Variants in RGS7 observed in about 807,000 individuals in gnomAD.
RGS7 encodes regulator of G-protein signaling 7.
RGS7 carries 27 observed loss-of-function variants against 81.1 expected under a neutral mutation model. That is an observed-to-expected ratio of 0.33 (90% confidence interval 0.25 to 0.46). The LOEUF (loss-of-function observed/expected upper bound fraction) is 0.46, where lower values mean the gene tolerates loss of function less well. RGS7 is among the 20% of genes least tolerant of loss of function. The probability of loss-of-function intolerance (pLI) is 1.00; values close to 1 mark genes in which losing one functional copy is unlikely to be tolerated. For synonymous variants in RGS7, 208 were observed against 207.7 expected (o/e 1.00, Z -0.01); for missense variants, 396 against 607.4 (o/e 0.65, Z 3.66).
At chr1:241,113,274 T>C (rs1280396177) in intron 2 of RGS7, among the ~76,000 whole-genome samples, 1 of 152,230 alleles carries the variant, frequency 6.6e-6, no homozygotes, top group Non-Finnish European at 1.5e-5. Flanking sequence ...CACTTATTAC[T>C]AGATATCTGT....
chr1:240,988,253 C>T (rs1258674323), intron 3 of RGS7, among the ~76,000 whole-genome samples: 1 of 150,260 alleles, frequency 6.7e-6, no homozygotes, highest in Non-Finnish European at 1.5e-5. Context: ...TATGACACCA[C>T]AGTGTATCTC....
intron 2 of RGS7, among the ~76,000 whole-genome samples, chr1:241,236,048 C>T (rs1217013578): frequency 1.3e-5 from 2 of 151,974 alleles, no homozygotes; most frequent in Admixed American, 6.6e-5. Context: ...TTTTTAAAGT[C>T]TGCAGTTTGA....
intron 6 of RGS7, among the ~76,000 whole-genome samples, chr1:240,877,007 C>A (rs1428185427): frequency 6.6e-6 from 1 of 152,022 alleles, no homozygotes; most frequent in African/African-American, 2.4e-5. Flanking sequence ...CTAGGACTTG[C>A]TTTTCTAGGA....
chr1:241,313,193 G>T (rs1188478364), intron 2 of RGS7, among the ~76,000 whole-genome samples: 5 of 152,340 alleles, frequency 3.3e-5, no homozygotes, highest in Non-Finnish European at 1.5e-5. Flanking sequence ...TGAAGAAGCT[G>T]CAGTAAGTTT....
chr1:240,913,788 G>GT (rs540180563), intron 6 of RGS7, among the ~76,000 whole-genome samples: 3,465 of 144,906 alleles, frequency 0.024, 62 homozygotes, highest in African/African-American at 0.048. Context: ...CTGTAATTTT[G>GT]TTTTTTTTTT....
chr1:240,976,964 A>G (rs991066433), intron 4 of RGS7, among the ~76,000 whole-genome samples: 2 of 150,748 alleles, frequency 1.3e-5, no homozygotes, highest in African/African-American at 4.9e-5. Context: ...ATCTTCTATC[A>G]TCTATCATTT....
At chr1:240,933,265 G>A (rs377319297) in intron 5 of RGS7, among the ~76,000 whole-genome samples, 5 of 151,838 alleles carry the variant, frequency 3.3e-5, no homozygotes, top group African/African-American at 4.8e-5. Context: ...ATATGTGTAT[G>A]TATAGGTGTG....
At chr1:241,180,930 T>C (rs2071562679) in intron 2 of RGS7, among the ~76,000 whole-genome samples, 1 of 152,212 alleles carries the variant, frequency 6.6e-6, no homozygotes, top group African/African-American at 2.4e-5. Flanking sequence ...CCAATGCATG[T>C]TAGTAAGTGA....
intron 2 of RGS7, among the ~76,000 whole-genome samples, chr1:241,287,224 T>A (rs2078856586): frequency 6.6e-6 from 1 of 152,198 alleles, no homozygotes; most frequent in Non-Finnish European, 1.5e-5. Flanking sequence ...GTTTATGACA[T>A]TTAAATCCCT....
At chr1:241,134,232 C>CT (rs1342937965) in intron 2 of RGS7, among the ~76,000 whole-genome samples, 8 of 152,192 alleles carry the variant, frequency 5.3e-5, no homozygotes, top group African/African-American at 1.9e-4. Flanking sequence ...GAACAGCCAT[C>CT]CTCACAGCAA....
chr1:241,165,728 T>A (rs2070156832), intron 2 of RGS7, among the ~76,000 whole-genome samples: 1 of 150,180 alleles, frequency 6.7e-6, no homozygotes, highest in East Asian at 2.0e-4. Context: ...CATGTATACA[T>A]ATGTAACTAA....
chr1:241,122,697 C>T (rs2066375093), intron 2 of RGS7, among the ~76,000 whole-genome samples: 1 of 151,296 alleles, frequency 6.6e-6, no homozygotes, highest in Non-Finnish European at 1.5e-5. Context: ...ACCTAACCTA[C>T]CGAACATCAT....
chr1:240,941,264 C>A (rs1487967809), intron 4 of RGS7, among the ~76,000 whole-genome samples: 1 of 152,076 alleles, frequency 6.6e-6, no homozygotes, highest in African/African-American at 2.4e-5. Flanking sequence ...ACAATGCTTA[C>A]AAATGGTTTT....
chr1:241,070,663 C>A (rs1475664714), intron 3 of RGS7, among the ~76,000 whole-genome samples: 1 of 152,122 alleles, frequency 6.6e-6, no homozygotes, highest in Non-Finnish European at 1.5e-5. Flanking sequence ...CCCATGGGCA[C>A]AACAGCAAAC....
At chr1:240,889,440 G>A (rs925183902) in intron 6 of RGS7, among the ~76,000 whole-genome samples, 3 of 152,110 alleles carry the variant, frequency 2.0e-5, no homozygotes, top group East Asian at 3.9e-4. Context: ...TGGAGGGAAG[G>A]GAGAGGTTAT....
chr1:240,933,089 A>T (rs545242717), intron 5 of RGS7, among the ~76,000 whole-genome samples: 2 of 149,862 alleles, frequency 1.3e-5, no homozygotes, highest in East Asian at 2.0e-4. Context: ...TCACCGTGTT[A>T]GCCAGGATGG....
intron 2 of RGS7, among the ~76,000 whole-genome samples, chr1:241,162,867 G>A (rs994894558): frequency 6.6e-6 from 1 of 152,190 alleles, no homozygotes; most frequent in African/African-American, 2.4e-5. Context: ...TTTGAAGTAA[G>A]GCAGTCTGAC....
intron 3 of RGS7, among the ~76,000 whole-genome samples, chr1:241,070,107 T>A (rs1340819232): frequency 6.6e-6 from 1 of 152,172 alleles, no homozygotes; most frequent in Non-Finnish European, 1.5e-5. Context: ...AGGGAGGTGA[T>A]CCACACTTGT....
At chr1:241,077,861 G>A (rs943539440) in intron 3 of RGS7, among the ~76,000 whole-genome samples, 3 of 152,082 alleles carry the variant, frequency 2.0e-5, no homozygotes, top group Non-Finnish European at 2.9e-5. Flanking sequence ...GTCTCTTACC[G>A]GGGTGACTTT....
Sources: gnomAD v4.1 joint callset for allele counts (sites outside exome capture counted in the v4.1 genomes callset) on GRCh38, gnomAD v4.1.1 for gene constraint, MANE v1.5 for transcripts, NCBI Gene and HGNC (gene_info 2026-07-23, HGNC 2026-07-21) for gene names.